SLC41A3: variants seen among roughly 807,000 people sequenced by gnomAD.
The protein encoded by SLC41A3 is solute carrier family 41 member 3.
SLC41A3 carries 44 observed loss-of-function variants against 45.4 expected under a neutral mutation model. The observed-to-expected ratio is 0.97, with a 90% CI of 0.76 to 1.25. SLC41A3 has a LOEUF of 1.25. Among genes scored for constraint, SLC41A3 ranks in the 50% most tolerant of loss-of-function variants. The pLI, the probability that SLC41A3 is intolerant of heterozygous loss-of-function variation, is 0.00. For synonymous variants in SLC41A3, 256 were observed against 252.4 expected (o/e 1.01, Z -0.13); for missense variants, 550 against 600.6 (o/e 0.92, Z 0.88).
chr3:126,093,432 C>A (rs566480490), intron 1 of SLC41A3, among the ~76,000 whole-genome samples: 2 of 152,230 alleles, frequency 1.3e-5, no homozygotes, highest in African/African-American at 4.8e-5. Flanking sequence ...CATTCCCTCA[C>A]CCCTGTACAA....
intron 2 of SLC41A3, among the ~76,000 whole-genome samples, chr3:126,065,210 T>G (rs979238314): frequency 2.6e-5 from 4 of 152,240 alleles, no homozygotes; most frequent in African/African-American, 9.6e-5. Context: ...GCACGTGGAT[T>G]TCAGCTGTTG....
At chr3:126,008,362 TGTG>T (rs1466922543) in intron 10 of SLC41A3, among the ~76,000 whole-genome samples, 1 of 152,022 alleles carries the variant, frequency 6.6e-6, no homozygotes, top group African/African-American at 2.4e-5. Context: ...GTGTGCACTG[TGTG>T]GTGTGGAGTG....
chr3:126,056,487 A>T (rs1435624916), intron 2 of SLC41A3: 6 of 1,614,060 alleles, frequency 3.7e-6, no homozygotes, highest in Non-Finnish European at 5.1e-6. Flanking sequence ...GGGTAAGCTC[A>T]CAGCTGAAGC....
In SLC41A3 at chr3:126,053,948, T is replaced by C. The variant is rs192996874; in HGVS notation, c.274-2898A>G. ...CTGCCACCGCCCTCTCCAGCAACAC[T>C]GTAAAGATGCCTATATCAGTCATTG... is the stretch of plus-strand genomic sequence containing the variant. On this transcript the variant is annotated intron_variant, in intron 2 of 10. Transcript: ENST00000360370. Among the ~76,000 whole-genome samples, 35 of 152,270 alleles carry C rather than the reference T, an allele frequency of 2.3e-4. No homozygotes were observed. The East Asian group carries it at 6.6e-3, about 29-fold the overall frequency.
intron 4 of SLC41A3, among the ~76,000 whole-genome samples, chr3:126,027,348 C>T (rs1439995630): frequency 1.3e-5 from 2 of 150,642 alleles, no homozygotes; most frequent in African/African-American, 4.9e-5. Flanking sequence ...TCGTTCCTCT[C>T]TCTTGCTCCT....
At chr3:126,042,202 G>A (rs138914741) in intron 3 of SLC41A3, among the ~76,000 whole-genome samples, 45 of 152,272 alleles carry the variant, frequency 3.0e-4, no homozygotes, top group African/African-American at 1.0e-3. Context: ...AGGCCCATGC[G>A]TGCCTGGGGG....
At chr3:126,032,933 T>C (rs1941911826) in intron 4 of SLC41A3, among the ~76,000 whole-genome samples, 1 of 152,136 alleles carries the variant, frequency 6.6e-6, no homozygotes, top group South Asian at 2.1e-4. Flanking sequence ...CTCCTGTCTA[T>C]GTCCAGGCCC....
At chr3:126,086,408 G>GGTTTTTTTTTTTTTTTTTTTTTTTTT (rs776330275), upstream of SLC41A3, among the ~76,000 whole-genome samples, 1 of 21,184 alleles carries the variant, frequency 4.7e-5, no homozygotes. Context: ...TTGTTTTCTT[G>GGTTTTTTTTTTTTTTTTTTTTTTTTT]TTTTTTTTTT....
chr3:126,016,969 C>T (rs563244773), intron 6 of SLC41A3, 94 bp from the exon 7 acceptor site: 97 of 1,474,890 alleles, frequency 6.6e-5, no homozygotes, highest in Middle Eastern at 2.0e-4. Flanking sequence ...TGGGTGAGGA[C>T]GCTCCTGTCC....
chr3:126,021,229 GCTTT>G (rs35147938), intron 6 of SLC41A3, among the ~76,000 whole-genome samples: 51,846 of 151,670 alleles, frequency 0.34, 9,075 homozygotes, highest in Middle Eastern at 0.46. Flanking sequence ...CTTTTCCTGG[GCTTT>G]CTGTGTCCTC....
At chr3:126,084,014 C>G (rs1945305303) in intron 1 of SLC41A3, 79 bp downstream of exon 1, 1 of 151,732 alleles carries the variant, frequency 6.6e-6, no homozygotes, top group African/African-American at 2.4e-5. Flanking sequence ...CCCTCTCCCG[C>G]GCGCCTCCCC....
chr3:126,065,860 A>ATCT (rs1232660084), intron 2 of SLC41A3, among the ~76,000 whole-genome samples: 27 of 152,326 alleles, frequency 1.8e-4, no homozygotes, highest in African/African-American at 6.0e-4. Context: ...GAAAACAGAA[A>ATCT]AACACCCCAT....
At chr3:126,046,454 A>G (rs182103748) in intron 3 of SLC41A3, among the ~76,000 whole-genome samples, 2 of 152,286 alleles carry the variant, frequency 1.3e-5, no homozygotes, top group African/African-American at 4.8e-5. Flanking sequence ...TTGCGTTTCT[A>G]TACAATAACA....
In SLC41A3 at chr3:126,019,966, C is replaced by T. The variant is rs575085906; in HGVS notation, c.745+2820G>A. On this transcript the variant is annotated intron_variant, in intron 6 of 10. Coordinates refer to ENST00000360370, the MANE Select transcript of SLC41A3 (RefSeq NM_017836.4). ...GCTTGGCACTGCTCTAGTAGGGGAA[C>T]TCTGCAGTGGCTTCAGCCCTGAAAC... 1.3e-3 allele frequency among the ~76,000 whole-genome samples: 191 copies of T among 152,216 alleles called. 2 individuals carry two copies. The highest frequency in any genetic ancestry group is 4.5e-3 in the African/African-American group (187 of 41,532).
intron 3 of SLC41A3, among the ~76,000 whole-genome samples, chr3:126,038,552 G>A (rs1397753343): frequency 6.6e-6 from 1 of 152,224 alleles, no homozygotes; most frequent in Non-Finnish European, 1.5e-5. Context: ...CATGGGGCCT[G>A]TTGTTCCTTT....
chr3:126,044,683 CAGG>C (rs1942830286), intron 3 of SLC41A3, among the ~76,000 whole-genome samples: 1 of 151,848 alleles, frequency 6.6e-6, no homozygotes, highest in African/African-American at 2.4e-5. Flanking sequence ...ATCACGAGGT[CAGG>C]AGATCGAGAC....
intron 3 of SLC41A3, among the ~76,000 whole-genome samples, chr3:126,038,815 A>G (rs1942383613): frequency 6.6e-6 from 1 of 152,154 alleles, no homozygotes; most frequent in Admixed American, 6.5e-5. Flanking sequence ...TCTGGTTTGG[A>G]TATTTATCCC....
Position 126,007,142 on chromosome 3 carries a change from G to C in SLC41A3, c.1338C>G (p.Pro446=), listed in dbSNP as rs769651373. Reference sequence around the variant, plus strand: ...GCAGGTCCCCCAGCCCTGTAAGGTAGGGGATGCAGTGGTTGTCAGGATCCA... The same window carrying C: ...GCAGGTCCCCCAGCCCTGTAAGGTACGGGATGCAGTGGTTGTCAGGATCCA... ...QALDPDNHCI[P]YLTGLGDLLG... is the part of the protein sequence containing the mutation. The change falls in exon 11 of 11, where the codon CCC becomes CCG. Residue 446 remains proline (P), a synonymous_variant. Coordinates refer to ENST00000360370, the MANE Select transcript of SLC41A3 (RefSeq NM_017836.4). 1 of 1,614,230 alleles carries C rather than the reference G, an allele frequency of 6.2e-7. No homozygotes were observed. The highest frequency in any genetic ancestry group is 1.7e-5 in the Admixed American group (1 of 60,030).
chr3:126,040,296 A>G (rs1308039185), intron 3 of SLC41A3, among the ~76,000 whole-genome samples: 1 of 152,228 alleles, frequency 6.6e-6, no homozygotes, highest in Non-Finnish European at 1.5e-5. Context: ...GATTCATTCT[A>G]GCATTGAGGA....
Sources: allele counts gnomAD v4.1 joint callset (sites outside exome capture counted in the v4.1 genomes callset), GRCh38; gene constraint gnomAD v4.1.1; transcripts MANE v1.5; gene names NCBI Gene and HGNC (gene_info 2026-07-23, HGNC 2026-07-21).